The following METTL16 variants were observed in gnomAD, a reference collection of about 807,000 sequenced individuals.
The protein encoded by METTL16 is RNA N(6)-adenosine-methyltransferase METTL16.
Under a neutral mutation model 57.9 loss-of-function variants are expected in METTL16, and 19 were observed. The ratio of observed to expected loss-of-function variants is 0.33; its 90% CI spans 0.23 to 0.48. METTL16 has a LOEUF of 0.48. METTL16 is among the 20% of genes least tolerant of loss of function. The probability of loss-of-function intolerance (pLI) is 0.99; values close to 1 mark genes in which losing one functional copy is unlikely to be tolerated. For missense variants in METTL16, 434 were observed against 691.5 expected (o/e 0.63, Z 4.18); for synonymous variants, 246 against 255.6 (o/e 0.96, Z 0.36).
At chr17:2,472,343 GCTGGGAGTGCAAAACAGTACT>G (rs2067240951) in intron 4 of METTL16, among the ~76,000 whole-genome samples, 1 of 152,156 alleles carries the variant, frequency 6.6e-6, no homozygotes, top group East Asian at 1.9e-4. Context: ...ATCCATTGCT[GCTGGGAGTGCAAAACAGTACT>G]CTGGAAGACA....
intron 6 of METTL16, among the ~76,000 whole-genome samples, chr17:2,463,171 C>G (rs1232065952): frequency 6.6e-6 from 1 of 152,186 alleles, no homozygotes; most frequent in African/African-American, 2.4e-5. Context: ...CACTGGGAGA[C>G]TGATTCCAAG....
intron 6 of METTL16, among the ~76,000 whole-genome samples, chr17:2,448,153 C>T (rs1355743540): frequency 1.4e-4 from 20 of 144,734 alleles, no homozygotes; most frequent in South Asian, 2.2e-4. Flanking sequence ...CCGGCCGCCC[C>T]GTCCGGGAGG....
chr17:2,496,620 C>T (rs1471381234), intron 2 of METTL16, among the ~76,000 whole-genome samples: 2 of 151,560 alleles, frequency 1.3e-5, no homozygotes, highest in East Asian at 1.9e-4. Context: ...CTTATTTTTG[C>T]GCATCCCTTT....
At chr17:2,510,254 T>C (rs987571624) in intron 1 of METTL16, among the ~76,000 whole-genome samples, 3 of 152,324 alleles carry the variant, frequency 2.0e-5, no homozygotes, top group Admixed American at 2.0e-4. Context: ...TCAGAGTATA[T>C]GGGGTATTCA....
Position 2,509,593 on chromosome 17 carries a change from C to T in METTL16, c.-1+2166G>A, listed in dbSNP as rs182711201. 9.9e-5 allele frequency among the ~76,000 whole-genome samples: 15 copies of T among 152,152 alleles called. No individual in the cohort carries two copies. The East Asian group carries it at 2.7e-3, about 27-fold the overall frequency. Reference sequence around the variant, plus strand: ...TAGACTTTATTAAAAAGAAAATATCCAAAATTAAAGTGTTGGCCGGGCACA... The same window carrying T: ...TAGACTTTATTAAAAAGAAAATATCTAAAATTAAAGTGTTGGCCGGGCACA... On this transcript the variant is annotated intron_variant, in intron 1 of 9. Transcript: ENST00000263092.
intron 7 of METTL16, among the ~76,000 whole-genome samples, chr17:2,439,146 G>A (rs962523818): frequency 6.6e-6 from 1 of 152,066 alleles, no homozygotes; most frequent in African/African-American, 2.4e-5. Flanking sequence ...GTCTCGCTCT[G>A]TCGTCCAGAT....
chr17:2,423,127 A>G (rs749443075), intron 8 of METTL16, among the ~76,000 whole-genome samples: 3 of 152,178 alleles, frequency 2.0e-5, no homozygotes, highest in Non-Finnish European at 4.4e-5. Flanking sequence ...ACACATGCAG[A>G]CACCACAGGT....
At chr17:2,469,683 C>A (rs1221381597) in intron 4 of METTL16, among the ~76,000 whole-genome samples, 2 of 152,092 alleles carry the variant, frequency 1.3e-5, no homozygotes, top group African/African-American at 4.8e-5. Context: ...CATCACCACG[C>A]CTGGCTAATT....
chr17:2,426,202 A>G (rs2066816958), intron 8 of METTL16, among the ~76,000 whole-genome samples: 1 of 152,082 alleles, frequency 6.6e-6, no homozygotes, highest in Admixed American at 6.6e-5. Flanking sequence ...GACAGGGCAG[A>G]GAGGAGACCC....
At chr17:2,479,794 T>C (rs2067291831) in intron 2 of METTL16, among the ~76,000 whole-genome samples, 1 of 152,108 alleles carries the variant, frequency 6.6e-6, no homozygotes, top group Admixed American at 6.6e-5. Context: ...TGTTCTAGTA[T>C]GGAAGTTAGG....
chr17:2,468,887 C>T (rs1410167497), intron 4 of METTL16, among the ~76,000 whole-genome samples: 1 of 150,714 alleles, frequency 6.6e-6, no homozygotes, highest in Admixed American at 6.6e-5. Context: ...GACCCTGTCT[C>T]TAATAAAAAA....
intron 2 of METTL16, 52 bp from the exon 3 acceptor site, chr17:2,477,937 G>T: frequency 6.7e-7 from 1 of 1,498,456 alleles, no homozygotes; most frequent in Non-Finnish European, 9.3e-7. Flanking sequence ...TCACTATGTT[G>T]TACAAGCTCT....
chr17:2,493,516 C>G (rs958043670), intron 2 of METTL16, among the ~76,000 whole-genome samples: 1 of 151,774 alleles, frequency 6.6e-6, no homozygotes. Flanking sequence ...GTCAGGAGTT[C>G]GAGACCAGCC....
At chr17:2,484,635 C>G (rs2067328855) in intron 2 of METTL16, among the ~76,000 whole-genome samples, 2 of 152,120 alleles carry the variant, frequency 1.3e-5, no homozygotes, top group African/African-American at 4.8e-5. Context: ...GATAGGACTA[C>G]AGACATGTAC....
intron 2 of METTL16, among the ~76,000 whole-genome samples, chr17:2,498,389 T>A (rs1481522617): frequency 6.7e-6 from 1 of 149,376 alleles, no homozygotes; most frequent in African/African-American, 2.5e-5. Context: ...TCCAGCCTGG[T>A]GACAGAGCAA....
intron 6 of METTL16, among the ~76,000 whole-genome samples, chr17:2,446,807 T>C (rs2066999965): frequency 2.6e-5 from 4 of 152,114 alleles, no homozygotes; most frequent in Admixed American, 2.0e-4. Flanking sequence ...GGTCTCCAGC[T>C]CCTAGCCGTG....
At chr17:2,485,623 A>G (rs1224014162) in intron 2 of METTL16, among the ~76,000 whole-genome samples, 1 of 152,206 alleles carries the variant, frequency 6.6e-6, no homozygotes, top group East Asian at 1.9e-4. Flanking sequence ...GGTATACAGA[A>G]TAGGTCAGAA....
chr17:2,480,301 T>C (rs138515028), intron 2 of METTL16, among the ~76,000 whole-genome samples: 7 of 152,264 alleles, frequency 4.6e-5, no homozygotes, highest in African/African-American at 1.7e-4. Context: ...TTGTTATCTA[T>C]ACAAAAATTG....
chr17:2,438,519 T>C (rs2066924432), intron 7 of METTL16, among the ~76,000 whole-genome samples: 1 of 152,236 alleles, frequency 6.6e-6, no homozygotes, highest in Non-Finnish European at 1.5e-5. Flanking sequence ...TTTTGTTTTT[T>C]TGAGACAGAG....
Sources: allele counts gnomAD v4.1 joint callset (sites outside exome capture counted in the v4.1 genomes callset), GRCh38; gene constraint gnomAD v4.1.1; transcripts MANE v1.5; gene names NCBI Gene and HGNC (gene_info 2026-07-23, HGNC 2026-07-21).